Variants in DPP6 observed in about 807,000 individuals in gnomAD.
DPP6 encodes dipeptidyl peptidase like 6, also known as A-type potassium channel modulatory protein DPP6.
In DPP6, 69 loss-of-function variants were observed where a neutral mutation model predicts 122.6. That is an observed-to-expected ratio of 0.56 (90% CI 0.46 to 0.69). DPP6 has a LOEUF of 0.69. DPP6 is among the 30% of genes least tolerant of loss of function. DPP6 has a pLI of 0.00. For missense variants in DPP6, 928 were observed against 1,116.9 expected (o/e 0.83, Z 2.41); for synonymous variants, 418 against 433.1 (o/e 0.97, Z 0.43).
At chr7:153,940,638 G>C (rs1801653546) in intron 1 of DPP6, among the ~76,000 whole-genome samples, 1 of 152,246 alleles carries the variant, frequency 6.6e-6, no homozygotes, top group Middle Eastern at 3.4e-3. Context: ...ATTTCCCCTT[G>C]CATCTCCCTG....
intron 7 of DPP6, among the ~76,000 whole-genome samples, chr7:154,719,093 G>A (rs958104928): frequency 2.0e-5 from 3 of 152,180 alleles, no homozygotes; most frequent in African/African-American, 7.2e-5. Context: ...CTTTTTGGTT[G>A]TGAATCAGAG....
chr7:153,948,448 C>G (rs1283260557), intron 1 of DPP6, among the ~76,000 whole-genome samples: 1 of 151,970 alleles, frequency 6.6e-6, no homozygotes, highest in African/African-American at 2.4e-5. Context: ...GGAAAACCAG[C>G]AAGCCCACAC....
chr7:154,740,164 T>C (rs915772817), intron 8 of DPP6, among the ~76,000 whole-genome samples: 2 of 152,220 alleles, frequency 1.3e-5, no homozygotes, highest in Admixed American at 1.3e-4. Flanking sequence ...TCAGTGACTA[T>C]ATTTTTCTAT....
At chr7:154,360,456 G>A (rs1811633680) in intron 1 of DPP6, among the ~76,000 whole-genome samples, 1 of 152,180 alleles carries the variant, frequency 6.6e-6, no homozygotes, top group Non-Finnish European at 1.5e-5. Context: ...ACCCGTACAA[G>A]ATGATCGTTC....
At chr7:153,840,069 G>T in the DPP6 span, among the ~76,000 whole-genome samples, 1 of 152,120 alleles carries the variant, frequency 6.6e-6, no homozygotes, top group Non-Finnish European at 1.5e-5. Flanking sequence ...CAGTTTTATT[G>T]GTTGTAGAAA....
intron 3 of DPP6, among the ~76,000 whole-genome samples, chr7:154,538,880 C>A (rs931516659): frequency 6.6e-6 from 1 of 152,140 alleles, no homozygotes; most frequent in Admixed American, 6.6e-5. Context: ...AAAGTATTAC[C>A]AGGAAAATAA....
Position 154,618,061 on chromosome 7 carries a change from G to A in DPP6, c.628-19760G>A, listed in dbSNP as rs1176209528. On this transcript the variant is annotated intron_variant, in intron 5 of 25. Transcript: ENST00000377770. The surrounding 1 kb of genome is among the most constrained non-coding windows in gnomAD (Gnocchi z 4.1). ...CTTGGTCTCTCCCACAATGCTGTCT[G>A]CTCACACAGGCTTTCCCCCTTTGCA... 2.6e-5 allele frequency among the ~76,000 whole-genome samples: 4 copies of A among 152,138 alleles called. No homozygotes were observed. The highest frequency in any genetic ancestry group is 5.9e-5 in the Non-Finnish European group (4 of 68,036).
At chr7:153,859,801 A>G in the DPP6 span, among the ~76,000 whole-genome samples, 2 of 152,232 alleles carry the variant, frequency 1.3e-5, no homozygotes, top group East Asian at 1.9e-4. Context: ...ACAGGGTGGC[A>G]GGAGAGAGAA....
chr7:154,458,237 G>C (rs1446327286), intron 2 of DPP6, among the ~76,000 whole-genome samples: 4 of 152,082 alleles, frequency 2.6e-5, no homozygotes, highest in Non-Finnish European at 5.9e-5. Context: ...ATGGGGGTGG[G>C]TTTTTTGTGC....
chr7:154,509,925 G>A (rs984728299), intron 3 of DPP6, among the ~76,000 whole-genome samples: 7 of 152,094 alleles, frequency 4.6e-5, no homozygotes, highest in Non-Finnish European at 1.0e-4. Context: ...TGCTTAGAAT[G>A]GGGGTGAGGG....
At chr7:154,331,672 G>A (rs1808956461) in intron 1 of DPP6, among the ~76,000 whole-genome samples, 1 of 152,174 alleles carries the variant, frequency 6.6e-6, no homozygotes, top group Admixed American at 6.5e-5. Context: ...GCACATGGGA[G>A]CGTGCTGTGC....
chr7:153,924,481 T>A (rs1260970882), intron 1 of DPP6, among the ~76,000 whole-genome samples: 1 of 152,182 alleles, frequency 6.6e-6, no homozygotes, highest in Admixed American at 6.5e-5. Flanking sequence ...TGATGAAAGT[T>A]GTTATTAAAC....
At chr7:154,007,537 G>A (rs1410383714) in intron 1 of DPP6, among the ~76,000 whole-genome samples, 4 of 152,126 alleles carry the variant, frequency 2.6e-5, no homozygotes, top group Non-Finnish European at 5.9e-5. Context: ...CCAACAACCT[G>A]TAAGAGAAAA....
intron 1 of DPP6, among the ~76,000 whole-genome samples, chr7:154,087,403 G>C (rs751230354): frequency 2.0e-5 from 3 of 152,216 alleles, no homozygotes; most frequent in Admixed American, 6.5e-5. Flanking sequence ...AGACTACTCT[G>C]TCTGCTCTCT....
intron 3 of DPP6, among the ~76,000 whole-genome samples, chr7:154,517,785 A>T (rs1826643745): frequency 6.6e-6 from 1 of 152,212 alleles, no homozygotes. Flanking sequence ...AAGCAAAACA[A>T]AAACGAGAAA....
chr7:154,084,861 G>A (rs1329459312), intron 1 of DPP6, among the ~76,000 whole-genome samples: 1 of 151,672 alleles, frequency 6.6e-6, no homozygotes, highest in Non-Finnish European at 1.5e-5. Flanking sequence ...ATGGTGGTGG[G>A]CGCCTGGAGT....
At chr7:154,201,166 C>T (rs913588956) in intron 1 of DPP6, among the ~76,000 whole-genome samples, 2 of 152,066 alleles carry the variant, frequency 1.3e-5, no homozygotes, top group African/African-American at 4.8e-5. Context: ...TCCCTCCTGT[C>T]CCCCAGGCTG....
the DPP6 span, among the ~76,000 whole-genome samples, chr7:153,831,063 A>G: frequency 2.6e-5 from 4 of 152,354 alleles, no homozygotes; most frequent in African/African-American, 9.6e-5. Context: ...GAGCACAGAA[A>G]CATTAGCAGA....
the DPP6 span, among the ~76,000 whole-genome samples, chr7:153,812,394 C>A: frequency 6.6e-6 from 1 of 152,052 alleles, no homozygotes; most frequent in African/African-American, 2.4e-5. Flanking sequence ...CTCACCCAGG[C>A]AATTCACTAC....
Sources: allele counts gnomAD v4.1 joint callset (sites outside exome capture counted in the v4.1 genomes callset), GRCh38; gene constraint gnomAD v4.1.1; non-coding constraint Gnocchi (gnomAD v3.1); transcripts MANE v1.5; gene names NCBI Gene and HGNC (gene_info 2026-07-23, HGNC 2026-07-21).